Variants in CARF observed in about 807,000 individuals in gnomAD.
CARF encodes the protein calcium responsive transcription factor.
Under a neutral mutation model 82.0 loss-of-function variants are expected in CARF, and 57 were observed. The ratio of observed to expected loss-of-function variants is 0.70; its 90% CI spans 0.56 to 0.87. The LOEUF (loss-of-function observed/expected upper bound fraction) is 0.87, where lower values mean the gene tolerates loss of function less well. CARF is among the 40% of genes least tolerant of loss of function. The pLI, the probability that CARF is intolerant of heterozygous loss-of-function variation, is 0.00. For synonymous variants in CARF, 268 were observed against 290.1 expected (o/e 0.92, Z 0.77); for missense variants, 771 against 855.8 (o/e 0.90, Z 1.24).
intron 13 of CARF, among the ~76,000 whole-genome samples, chr2:202,977,036 A>G (rs1178248606): frequency 6.6e-6 from 1 of 152,014 alleles, no homozygotes; most frequent in East Asian, 1.9e-4. Flanking sequence ...TCTAAATGTT[A>G]GAAGTAGTCC....
intron 2 of CARF, among the ~76,000 whole-genome samples, chr2:202,922,319 G>A (rs1228728986): frequency 1.3e-5 from 2 of 151,954 alleles, no homozygotes. Flanking sequence ...GTCTCACTAT[G>A]TCAGCCAGGT....
chr2:202,961,332 G>A lies in CARF; in HGVS notation c.738G>A (p.Gly246=). The A allele has an allele frequency of 6.2e-7, 1 of 1,614,156 alleles. No homozygotes were observed. Among genetic ancestry groups the A allele is most frequent in the Non-Finnish European group, 8.5e-7 (1 of 1,180,016 alleles). The change falls in exon 9 of 17, where the codon GGG becomes GGA. Residue 246 remains glycine (G), a synonymous_variant. Transcript: ENST00000438828. ...FHKQQTQSVW[G]TRQSPSPAKP... is the part of the protein sequence containing the mutation. ...AGCAGCAAACACAGAGTGTTTGGGG[G>A]ACCCGTCAGTCTCCAAGCCCAGCCA...
At chr2:202,960,896 T>G (rs1242101773) in intron 8 of CARF, among the ~76,000 whole-genome samples, 1 of 152,220 alleles carries the variant, frequency 6.6e-6, no homozygotes, top group African/African-American at 2.4e-5. Context: ...TTGTGGCTAG[T>G]TTTACGCTGA....
intron 3 of CARF, among the ~76,000 whole-genome samples, chr2:202,929,436 G>T (rs557990391): frequency 6.6e-6 from 1 of 152,176 alleles, no homozygotes; most frequent in African/African-American, 2.4e-5. Context: ...TTTATCAAAG[G>T]GACTGTCCCT....
At chr2:202,943,321 G>A (rs570544413) in intron 5 of CARF, among the ~76,000 whole-genome samples, 13 of 152,010 alleles carry the variant, frequency 8.6e-5, no homozygotes, top group South Asian at 6.2e-4. Flanking sequence ...TGATCCACCC[G>A]CCTTGGCCTC....
Position 202,917,991 on chromosome 2 carries a change from G to T in CARF, c.-215G>T. ...CAGTGGACAAGAAAGGACATTTCTG[G>T]GGGTAGTAGAATGCTTGAGGCCTGG... On this transcript the variant is annotated 5_prime_UTR_variant, in exon 2 of 17. Coordinates refer to ENST00000438828, the MANE Select transcript of CARF (RefSeq NM_024744.17). 9.0e-6 allele frequency: 4 copies of T among 445,268 alleles called. No individual in the cohort carries two copies. The highest frequency in any genetic ancestry group is 4.9e-5 in the South Asian group (3 of 61,364). The allele number at this position is 445,268 out of a possible 1,614,324, so 27.6% of individuals were successfully genotyped here.
rs945890390 is a variant in CARF at position 202,918,032 on chromosome 2, C to T, written c.-174C>T. The T allele has an allele frequency of 4.4e-6, 2 of 450,964 alleles. No individual in the cohort carries two copies. Among genetic ancestry groups the T allele is most frequent in the South Asian group, 1.6e-5 (1 of 62,858 alleles). The allele number at this position is 450,964 out of a possible 1,614,324, so 27.9% of individuals were successfully genotyped here. On this transcript the variant is annotated 5_prime_UTR_variant, in exon 2 of 17. Transcript: ENST00000438828. Reference sequence around the variant, plus strand: ...TGAGGCCTGGAATTTAAACCTGAGCCACTATCTGAAGGTAATTTTTTTTAA... The same window carrying T: ...TGAGGCCTGGAATTTAAACCTGAGCTACTATCTGAAGGTAATTTTTTTTAA...
In CARF at chr2:202,986,283, C is replaced by T. The variant is rs1017559074; in HGVS notation, c.*2659C>T. ...CATCACTTTTTGAAAACTATGTTTA[C>T]ATATTTAAAATGTTTAATTATTTTG... is the stretch of plus-strand genomic sequence containing the variant. On this transcript the variant is annotated 3_prime_UTR_variant, in exon 17 of 17. Coordinates refer to ENST00000438828, the MANE Select transcript of CARF (RefSeq NM_024744.17). The T allele has an allele frequency of 2.6e-5, 4 of 152,060 alleles. No homozygotes were observed. The highest frequency in any genetic ancestry group is 4.8e-5 in the African/African-American group (2 of 41,444). The allele number at this position is 152,060 out of a possible 1,614,324, so 9.4% of individuals were successfully genotyped here. A position where few individuals can be genotyped will look rare whatever the true frequency, so the allele number is the denominator to read the frequency against.
chr2:202,980,365 C>G (rs2060198029), intron 14 of CARF, among the ~76,000 whole-genome samples: 1 of 151,596 alleles, frequency 6.6e-6, no homozygotes, highest in Admixed American at 6.6e-5. Flanking sequence ...ATTTGAGATA[C>G]TAAGAAAATA....
At chr2:202,915,521 G>A (rs1484331152) in intron 1 of CARF, among the ~76,000 whole-genome samples, 1 of 152,108 alleles carries the variant, frequency 6.6e-6, no homozygotes. Context: ...CCAGGCTGGA[G>A]TGCAGTGGTG....
chr2:202,947,371 C>T (rs2058549553), intron 5 of CARF, among the ~76,000 whole-genome samples: 1 of 152,058 alleles, frequency 6.6e-6, no homozygotes, highest in Admixed American at 6.6e-5. Context: ...CAATCTAACA[C>T]AGGAACAGAA....
Position 202,987,358 on chromosome 2 carries a change from T to C in CARF, c.*3734T>C, listed in dbSNP as rs1260109280. Among the ~76,000 whole-genome samples, 4 of 151,992 alleles carry C rather than the reference T, an allele frequency of 2.6e-5. No homozygotes were observed. The highest frequency in any genetic ancestry group is 5.9e-5 in the Non-Finnish European group (4 of 67,986). ...AGGGATTATTAATTTTTTCCCTCTTTGCTTTTTTTTAAACTTTATTCCACT... is the reference window on the plus strand; with the variant it reads ...AGGGATTATTAATTTTTTCCCTCTTCGCTTTTTTTTAAACTTTATTCCACT... On this transcript the variant is annotated 3_prime_UTR_variant, in exon 17 of 17. Coordinates refer to ENST00000438828, the MANE Select transcript of CARF (RefSeq NM_024744.17).
chr2:202,920,659 C>T (rs369308607), intron 2 of CARF, among the ~76,000 whole-genome samples: 5 of 149,746 alleles, frequency 3.3e-5, no homozygotes, highest in Non-Finnish European at 5.9e-5. Flanking sequence ...AGTGAAACTC[C>T]GTCTCAAAAA....
At chr2:202,955,556 T>TA in intron 7 of CARF, 118 bp from the exon 8 acceptor site, 1 of 600,026 alleles carries the variant, frequency 1.7e-6, no homozygotes, top group South Asian at 2.9e-5. Context: ...TAGTTATTGT[T>TA]AAAATTTGTT....
intron 1 of CARF, among the ~76,000 whole-genome samples, chr2:202,915,940 A>G (rs905079505): frequency 2.0e-5 from 3 of 152,146 alleles, no homozygotes; most frequent in Admixed American, 6.6e-5. Context: ...GTTATTGTTT[A>G]TATATAATTG....
At position 202,942,970 on chromosome 2, in the gene CARF, G is replaced by C; in HGVS notation, c.306+3G>C. On this transcript the variant is annotated splice_donor_region_variant and intron_variant, in intron 5 of 16. Coordinates refer to ENST00000438828, the MANE Select transcript of CARF (RefSeq NM_024744.17). ...TGGGGGAATCCAATGCACAAATGGT[G>C]AGTATATTTTATAAGTAACCAGTTT... 1 of 1,610,672 alleles carries C rather than the reference G, an allele frequency of 6.2e-7. No individual in the cohort carries two copies. The highest frequency in any genetic ancestry group is 8.5e-7 in the Non-Finnish European group (1 of 1,177,520).
chr2:202,986,689 T>C lies in CARF; in HGVS notation c.*3065T>C, dbSNP rs1574833504. The C allele has an allele frequency of 6.6e-6, 1 of 151,648 alleles. No individual in the cohort carries two copies. The highest frequency in any genetic ancestry group is 1.9e-4 in the East Asian group (1 of 5,186). The allele number at this position is 151,648 out of a possible 1,614,324, so 9.4% of individuals were successfully genotyped here. A position where few individuals can be genotyped will look rare whatever the true frequency, so the allele number is the denominator to read the frequency against. ...TGTTTCCTAAATGTCACAAAAGTGA[T>C]AGAAAACATAGCTTTTGGGATCTGG... On this transcript the variant is annotated 3_prime_UTR_variant, in exon 17 of 17. Coordinates refer to ENST00000438828, the MANE Select transcript of CARF (RefSeq NM_024744.17).
intron 11 of CARF, among the ~76,000 whole-genome samples, chr2:202,970,859 CTT>C (rs759204879): frequency 1.3e-4 from 17 of 135,432 alleles, no homozygotes; most frequent in East Asian, 2.1e-4. Context: ...GTCTACTTTT[CTT>C]TTTTTTTTTT....
chr2:202,954,394 C>A (rs1275938558), intron 7 of CARF, among the ~76,000 whole-genome samples: 1 of 152,062 alleles, frequency 6.6e-6, no homozygotes, highest in Non-Finnish European at 1.5e-5. Flanking sequence ...TTTATTTAGT[C>A]TGACATTAAC....
Sources: gnomAD v4.1 joint callset for allele counts (sites outside exome capture counted in the v4.1 genomes callset) on GRCh38, gnomAD v4.1.1 for gene constraint, MANE v1.5 for transcripts, NCBI Gene and HGNC (gene_info 2026-07-23, HGNC 2026-07-21) for gene names.